PKD1L1: variants seen among roughly 807,000 people sequenced by gnomAD.
The protein encoded by PKD1L1 is polycystin 1 like 1, transient receptor potential channel interacting.
A neutral mutation model predicts 323.4 loss-of-function variants in PKD1L1; 236 were observed. That is an observed-to-expected ratio of 0.73 (90% CI 0.66 to 0.81). The LOEUF is 0.81. Among genes scored for constraint, PKD1L1 ranks in the 40% least tolerant of loss-of-function variants. The pLI is 0.00. For missense variants in PKD1L1, 3,320 were observed against 3,508.0 expected (o/e 0.95, Z 1.35); for synonymous variants, 1,344 against 1,335.0 (o/e 1.01, Z -0.15).
At chr7:47,949,368 C>CAAAAAAAAAAAAAAAAAAAA (rs58131581), upstream of PKD1L1, among the ~76,000 whole-genome samples, 4 of 57,144 alleles carry the variant, frequency 7.0e-5, no homozygotes, top group Non-Finnish European at 9.6e-5. Flanking sequence ...GGCTCTGTCT[C>CAAAAAAAAAAAAAAAAAAAA]AAAAAAAAAA....
chr7:47,868,304 G>A (rs1003771159), intron 24 of PKD1L1, among the ~76,000 whole-genome samples: 2 of 152,198 alleles, frequency 1.3e-5, no homozygotes, highest in African/African-American at 2.4e-5. Flanking sequence ...AGGGGGCTGA[G>A]GTTGCAGTGA....
At chr7:47,845,599 T>C (rs996046426) in intron 32 of PKD1L1, among the ~76,000 whole-genome samples, 4 of 152,188 alleles carry the variant, frequency 2.6e-5, no homozygotes, top group African/African-American at 9.7e-5. Flanking sequence ...TTTTTGTTTG[T>C]TTGTTTTTGA....
intron 31 of PKD1L1, among the ~76,000 whole-genome samples, chr7:47,849,728 C>T (rs1336438924): frequency 6.6e-6 from 1 of 152,164 alleles, no homozygotes; most frequent in Admixed American, 6.5e-5. Context: ...AATACTTTTA[C>T]ACTGCCTGTG....
intron 55 of PKD1L1, 82 bp from the exon 56 acceptor site, chr7:47,792,879 G>A: frequency 7.7e-7 from 1 of 1,295,218 alleles, no homozygotes; most frequent in Non-Finnish European, 1.1e-6. Context: ...GCATTTAGGG[G>A]TATCATCTGT....
intron 17 of PKD1L1, among the ~76,000 whole-genome samples, chr7:47,886,814 G>C (rs2128747953): frequency 6.6e-6 from 1 of 151,936 alleles, no homozygotes; most frequent in East Asian, 1.9e-4. Flanking sequence ...CCCAGCCTCA[G>C]GTATTCCTTT....
At chr7:47,860,989 C>T (rs1786010802) in intron 26 of PKD1L1, among the ~76,000 whole-genome samples, 2 of 152,162 alleles carry the variant, frequency 1.3e-5, no homozygotes, top group South Asian at 4.1e-4. Context: ...CGCCACATGA[C>T]CGACAGGCAG....
At chr7:47,846,004 G>T (rs1036585753) in intron 32 of PKD1L1, among the ~76,000 whole-genome samples, 14 of 152,152 alleles carry the variant, frequency 9.2e-5, no homozygotes, top group African/African-American at 3.1e-4. Flanking sequence ...AAAATATTGG[G>T]CCATTACCAG....
Position 47,905,157 on chromosome 7 carries a change from C to T in PKD1L1, c.1691G>A (p.Trp564Ter). 6.2e-7 allele frequency: 1 copy of T among 1,613,334 alleles called. No individual in the cohort carries two copies. Among genetic ancestry groups the T allele is most frequent in the Non-Finnish European group, 8.5e-7 (1 of 1,179,642 alleles). The change falls in exon 11 of 57, where the codon TGG becomes TAG. Residue 564 changes from tryptophan (W) to a stop codon, truncating the protein, a stop_gained and splice_region_variant. Coordinates refer to ENST00000289672, the MANE Select transcript of PKD1L1 (RefSeq NM_138295.5). LOFTEE classifies it high-confidence loss of function. Reference sequence around the variant, plus strand: ...CAGCAGGACTGCTACTTTTACTGACCATTGGGGGATGCTGAGTCTTTTTTT... The same window carrying T: ...CAGCAGGACTGCTACTTTTACTGACTATTGGGGGATGCTGAGTCTTTTTTT... The part of the protein sequence containing the change: ...SIKKRLSIPQ[W>*]YRVMVKASNR...
At chr7:47,843,247 G>T (rs1013814216) in intron 33 of PKD1L1, 78 bp from the exon 34 acceptor site, 7 of 1,101,402 alleles carry the variant, frequency 6.4e-6, no homozygotes, top group Non-Finnish European at 9.1e-6. Flanking sequence ...GCCACCCCTA[G>T]CCCCTTACAC....
At chr7:47,894,082 G>A in intron 14 of PKD1L1, 23 bp from the exon 15 acceptor site, 2 of 1,527,302 alleles carry the variant, frequency 1.3e-6, no homozygotes, top group Non-Finnish European at 1.8e-6. Context: ...GGAAGGACAG[G>A]GGATGTCATG....
chr7:47,931,451 T>C, intron 5 of PKD1L1, 130 bp from the exon 6 acceptor site: 2 of 966,198 alleles, frequency 2.1e-6, no homozygotes, highest in Non-Finnish European at 3.0e-6. Flanking sequence ...GCTATTTGGG[T>C]GGGTGACCAC....
intron 50 of PKD1L1, among the ~76,000 whole-genome samples, chr7:47,810,348 T>C (rs1784868201): frequency 6.6e-6 from 1 of 152,248 alleles, no homozygotes; most frequent in African/African-American, 2.4e-5. Flanking sequence ...CTGCCATTGC[T>C]TACAATTTCC....
At chr7:47,875,882 G>C (rs1255504727) in intron 23 of PKD1L1, among the ~76,000 whole-genome samples, 1 of 152,112 alleles carries the variant, frequency 6.6e-6, no homozygotes. Context: ...GTGTATTTCA[G>C]TTAAAATTTA....
At chr7:47,792,384 A>G (rs1465479216) in intron 56 of PKD1L1, among the ~76,000 whole-genome samples, 1 of 151,996 alleles carries the variant, frequency 6.6e-6, no homozygotes. Context: ...TTTCAGTTGT[A>G]ATCAGAAATA....
chr7:47,816,183 A>T (rs113457870), intron 46 of PKD1L1, among the ~76,000 whole-genome samples: 101 of 152,318 alleles, frequency 6.6e-4, no homozygotes, highest in African/African-American at 2.2e-3. Context: ...GCCTCCCAAG[A>T]TGCCTGTGAG....
At position 47,929,236 on chromosome 7, in the gene PKD1L1, A is replaced by G; in HGVS notation, c.1028T>C (p.Met343Thr). ...EMRLHNMSEA[M>T]AVTAYHQYSK... ...GTACTGGTGGTAGGCAGTCACCGCC[A>G]TTGCCTCAGACATGTTGTGTAGCCT... is the stretch of plus-strand genomic sequence containing the variant. Residue 343 changes from methionine to threonine, a missense_variant, in exon 7 of 57, where the codon ATG becomes ACG. Physicochemically the swap from Met to Thr is moderately conservative, Grantham distance 81. Coordinates refer to ENST00000289672, the MANE Select transcript of PKD1L1 (RefSeq NM_138295.5). 3 of 1,614,132 alleles carry G rather than the reference A, an allele frequency of 1.9e-6. No individual in the cohort carries two copies. The highest frequency in any genetic ancestry group is 2.5e-6 in the Non-Finnish European group (3 of 1,180,022).
In PKD1L1 at chr7:47,888,944, C is replaced by G. The variant is rs979634299; in HGVS notation, c.2676-794G>C. 2.6e-5 allele frequency among the ~76,000 whole-genome samples: 4 copies of G among 152,078 alleles called. No homozygotes were observed. The South Asian group carries it at 8.3e-4, about 31-fold the overall frequency. ...AGATACTCTGGGGTGTGTGTGGTAC[C>G]TGGTGTCTCCCATGCAAACATCCTA... On this transcript the variant is annotated intron_variant, in intron 16 of 56. Coordinates refer to ENST00000289672, the MANE Select transcript of PKD1L1 (RefSeq NM_138295.5).
intron 18 of PKD1L1, among the ~76,000 whole-genome samples, chr7:47,885,257 CAG>C (rs1472209406): frequency 6.6e-6 from 1 of 152,146 alleles, no homozygotes; most frequent in Non-Finnish European, 1.5e-5. Flanking sequence ...AGGACAGTGA[CAG>C]AGAGACAGAT....
chr7:47,806,339 G>A (rs1370420175), intron 52 of PKD1L1, among the ~76,000 whole-genome samples: 2 of 152,352 alleles, frequency 1.3e-5, no homozygotes, highest in East Asian at 3.9e-4. Flanking sequence ...CAGAAAGCTG[G>A]CCGCTATCTG....
Sources: allele counts gnomAD v4.1 joint callset (sites outside exome capture counted in the v4.1 genomes callset), GRCh38; gene constraint gnomAD v4.1.1; transcripts MANE v1.5; gene names NCBI Gene and HGNC (gene_info 2026-07-23, HGNC 2026-07-21).